Variants in PHC2 observed in about 807,000 individuals in gnomAD.
PHC2 encodes polyhomeotic homolog 2, also known as polyhomeotic-like protein 2.
Under a neutral mutation model 87.4 loss-of-function variants are expected in PHC2, and 29 were observed. The observed-to-expected ratio is 0.33, with a 90% CI of 0.25 to 0.45. The LOEUF is 0.45. Among genes scored for constraint, PHC2 ranks in the 20% least tolerant of loss-of-function variants. PHC2 has a pLI of 1.00. For synonymous variants in PHC2, 438 were observed against 461.7 expected (o/e 0.95, Z 0.66); for missense variants, 857 against 1,136.7 (o/e 0.75, Z 3.54).
At chr1:33,328,591 A>G (rs1473121603) in intron 14 of PHC2, among the ~76,000 whole-genome samples, 1 of 152,102 alleles carries the variant, frequency 6.6e-6, no homozygotes, top group Non-Finnish European at 1.5e-5. Context: ...CCCAGGAGAG[A>G]GAGACAGTTA....
At position 33,343,059 on chromosome 1, in the gene PHC2, A is replaced by G. The variant is rs1646775400; in HGVS notation, c.1559-8767T>C. ...TTCTCCATCTGTAACAACGAGGCTC[A>G]TACTACCTACCTGTCTGGGAGGTTT... On this transcript the variant is annotated intron_variant, in intron 9 of 14. Transcript: ENST00000683057. Among the ~76,000 whole-genome samples, 4 of 152,336 alleles carry G rather than the reference A, an allele frequency of 2.6e-5. No homozygotes were observed. In the South Asian group the frequency reaches 8.3e-4, roughly 32 times the overall value.
intron 1 of PHC2, among the ~76,000 whole-genome samples, chr1:33,429,609 A>G (rs1650817246): frequency 6.6e-6 from 1 of 152,186 alleles, no homozygotes; most frequent in Admixed American, 6.5e-5. Flanking sequence ...CACATCTATT[A>G]TGCTGTTAAT....
chr1:33,401,916 A>G (rs980255209), intron 1 of PHC2, among the ~76,000 whole-genome samples: 16 of 152,240 alleles, frequency 1.1e-4, no homozygotes, highest in Admixed American at 7.8e-4. Flanking sequence ...GAGAAAATGT[A>G]GGACAAAATA....
chr1:33,422,252 T>A (rs1378538389), intron 1 of PHC2, among the ~76,000 whole-genome samples: 1 of 145,980 alleles, frequency 6.9e-6, no homozygotes, highest in Non-Finnish European at 1.5e-5. Context: ...AATACCATAA[T>A]TAATGTTTCC....
intron 12 of PHC2, 61 bp from the exon 13 acceptor site, chr1:33,330,273 G>A (rs1646462260): frequency 6.3e-7 from 1 of 1,575,660 alleles, no homozygotes; most frequent in Non-Finnish European, 8.7e-7. Context: ...GCCGTAGGCA[G>A]AATGAGCACA....
intron 9 of PHC2, among the ~76,000 whole-genome samples, chr1:33,338,322 C>A (rs1217306238): frequency 6.6e-6 from 1 of 152,250 alleles, no homozygotes; most frequent in African/African-American, 2.4e-5. Flanking sequence ...AGAGAGAACA[C>A]ACTAAAAAAC....
In PHC2 at chr1:33,350,120, C is replaced by T. The variant is rs558145037; in HGVS notation, c.1558+4281G>A. ...GCCACGAGGAGGCTGCCCTGATAGC[C>T]GGTGCAAGTGCTCCTTGGCGGGGCG... On this transcript the variant is annotated intron_variant, in intron 9 of 14. Transcript: ENST00000683057. Among the ~76,000 whole-genome samples, 25 of 151,440 alleles carry T rather than the reference C, an allele frequency of 1.7e-4. 1 individual carries two copies. Among genetic ancestry groups the T allele is most frequent in the South Asian group, 1.1e-3 (5 of 4,672 alleles).
In PHC2 at chr1:33,414,575, G is replaced by C. The variant is rs116110989; in HGVS notation, c.-55+16401C>G. On this transcript the variant is annotated intron_variant, in intron 1 of 14. Coordinates refer to ENST00000683057, the MANE Select transcript of PHC2 (RefSeq NM_001385109.1). Reference sequence around the variant, plus strand: ...GTTTATAGCCAAGATTCAGTAACTGGTTACAGCTCTGTACAACCATGGATC... The same window carrying C: ...GTTTATAGCCAAGATTCAGTAACTGCTTACAGCTCTGTACAACCATGGATC... Among the ~76,000 whole-genome samples, 1,139 of 152,272 alleles carry C rather than the reference G, an allele frequency of 7.5e-3. 11 individuals are homozygous for C. Among genetic ancestry groups the C allele is most frequent in the African/African-American group, 0.026 (1,092 of 41,546 alleles).
intron 1 of PHC2, among the ~76,000 whole-genome samples, chr1:33,408,627 AT>A (rs986746561): frequency 1.1e-4 from 16 of 151,784 alleles, no homozygotes; most frequent in Non-Finnish European, 1.6e-4. Context: ...TAACCGGCTA[AT>A]TTTTTTGTTT....
At chr1:33,347,876 G>T in intron 9 of PHC2, 1 of 229,956 alleles carries the variant, frequency 4.3e-6, no homozygotes, top group Non-Finnish European at 7.2e-6. Flanking sequence ...AGAGGCCCCA[G>T]TTCCCGCCTT....
chr1:33,429,997 G>A (rs181379490), intron 1 of PHC2, among the ~76,000 whole-genome samples: 1 of 152,236 alleles, frequency 6.6e-6, no homozygotes, highest in African/African-American at 2.4e-5. Context: ...TATCAGTGGC[G>A]CATCTCTCCT....
At chr1:33,395,707 G>C (rs1440272502) in intron 1 of PHC2, among the ~76,000 whole-genome samples, 1 of 152,152 alleles carries the variant, frequency 6.6e-6, no homozygotes, top group Non-Finnish European at 1.5e-5. Flanking sequence ...GGTATGTTCA[G>C]AACTTTTCAT....
At chr1:33,350,987 C>A (rs1646961167) in intron 9 of PHC2, among the ~76,000 whole-genome samples, 1 of 152,218 alleles carries the variant, frequency 6.6e-6, no homozygotes, top group Non-Finnish European at 1.5e-5. Context: ...TCCACCAGTT[C>A]TTCCTGGAAT....
At chr1:33,428,166 G>C (rs1449010389) in intron 1 of PHC2, among the ~76,000 whole-genome samples, 2 of 152,214 alleles carry the variant, frequency 1.3e-5, no homozygotes, top group Non-Finnish European at 2.9e-5. Flanking sequence ...CATGTAGCAA[G>C]TACCTGGTAG....
intron 9 of PHC2, among the ~76,000 whole-genome samples, 180 bp downstream of exon 9, chr1:33,354,221 G>A (rs921634479): frequency 1.3e-5 from 2 of 152,210 alleles, no homozygotes; most frequent in South Asian, 2.1e-4. Context: ...AATATCTTCC[G>A]TGTCTCAATT....
At position 33,331,452 on chromosome 1, in the gene PHC2, C is replaced by T; in HGVS notation, c.1902G>A (p.Glu634=). 1 of 1,592,758 alleles carries T rather than the reference C, an allele frequency of 6.3e-7. No individual in the cohort carries two copies. Among genetic ancestry groups the T allele is most frequent in the Non-Finnish European group, 8.6e-7 (1 of 1,161,302 alleles). ...MEEPYLQESK[E]EGAPLKLKCE... ...ACTTGAGTTTGAGGGGAGCACCCTC[C>T]TCTTTGGATTCTGAAAAGTATAGAA... The change falls in exon 12 of 15, where the codon GAG becomes GAA. Residue 634 remains glutamate, a synonymous_variant. Coordinates refer to ENST00000683057, the MANE Select transcript of PHC2 (RefSeq NM_001385109.1). This position sits in a 1 kb window ranked among gnomAD's most constrained non-coding sequence, Gnocchi z 5.2.
chr1:33,344,280 C>A (rs1364104293), intron 9 of PHC2, among the ~76,000 whole-genome samples: 1 of 152,172 alleles, frequency 6.6e-6, no homozygotes, highest in East Asian at 1.9e-4. Flanking sequence ...AGGTTGATAA[C>A]AGGGAAAGGC....
chr1:33,419,641 G>A (rs1044167086), intron 1 of PHC2, among the ~76,000 whole-genome samples: 13 of 151,804 alleles, frequency 8.6e-5, no homozygotes, highest in East Asian at 3.9e-4. Flanking sequence ...ACGGAGTCTC[G>A]CTCTGTTGCC....
chr1:33,349,840 G>A lies in PHC2; in HGVS notation c.1558+4561C>T, dbSNP rs1254746727. 2 of 977,088 alleles carry A rather than the reference G, an allele frequency of 2.0e-6. No individual in the cohort carries two copies. Among genetic ancestry groups the A allele is most frequent in the Non-Finnish European group, 2.4e-6 (2 of 825,450 alleles). The allele number at this position is 977,088 out of a possible 1,614,324, so 60.5% of individuals were successfully genotyped here. A position where few individuals can be genotyped will look rare whatever the true frequency, so the allele number is the denominator to read the frequency against. On this transcript the variant is annotated intron_variant, in intron 9 of 14. Coordinates refer to ENST00000683057, the MANE Select transcript of PHC2 (RefSeq NM_001385109.1). The surrounding 1 kb of genome is among the most constrained non-coding windows in gnomAD (Gnocchi z 4.2). ...CGGGGCGGGAGCGCGGGCGGCGGCCGGGGTTGCGCGCGCGCGCGCGGCGGG... is the reference window on the plus strand; with the variant it reads ...CGGGGCGGGAGCGCGGGCGGCGGCCAGGGTTGCGCGCGCGCGCGCGGCGGG...
Sources: allele counts gnomAD v4.1 joint callset (sites outside exome capture counted in the v4.1 genomes callset), GRCh38; gene constraint gnomAD v4.1.1; non-coding constraint Gnocchi (gnomAD v3.1); transcripts MANE v1.5; gene names NCBI Gene and HGNC (gene_info 2026-07-23, HGNC 2026-07-21).